The following ANXA8 variants were observed in gnomAD, a reference collection of about 807,000 sequenced individuals.
ANXA8 encodes annexin A8.
In ANXA8, 9 loss-of-function variants were observed where a neutral mutation model predicts 26.8. The ratio of observed to expected loss-of-function variants is 0.34; its 90% CI spans 0.20 to 0.59. The LOEUF is 0.59. Ranked by LOEUF, ANXA8 falls within the 20% of genes least tolerant of loss-of-function variation. The probability of loss-of-function intolerance (pLI) is 0.84; values close to 1 mark genes in which losing one functional copy is unlikely to be tolerated. For missense variants in ANXA8, 83 were observed against 238.5 expected (o/e 0.35, Z 4.29); for synonymous variants, 39 against 94.8 (o/e 0.41, Z 3.42).
chr10:47,555,622 G>A, the ANXA8 span, among the ~76,000 whole-genome samples: 820 of 152,022 alleles, frequency 5.4e-3, 12 homozygotes, highest in African/African-American at 0.019. Context: ...CTGCCTCCAT[G>A]ACATATCCAT....
chr10:47,748,401 C>T, the ANXA8 span, among the ~76,000 whole-genome samples: 23 of 150,982 alleles, frequency 1.5e-4, no homozygotes, highest in South Asian at 2.1e-4. Context: ...TTAGTGGAGA[C>T]GGGGTTTCAC....
chr10:47,901,126 A>G, the ANXA8 span, among the ~76,000 whole-genome samples: 22 of 143,034 alleles, frequency 1.5e-4, no homozygotes, highest in Non-Finnish European at 2.9e-4. Flanking sequence ...CACCCCAGCC[A>G]AGCAAAAAAT....
chr10:47,973,204 C>T, the ANXA8 span: 3 of 150,202 alleles, frequency 2.0e-5, 1 homozygote, highest in Non-Finnish European at 3.0e-5. Flanking sequence ...TTTTCTTATG[C>T]TTTAGCAGGA....
At chr10:47,968,702 A>G in the ANXA8 span, among the ~76,000 whole-genome samples, 1 of 150,978 alleles carries the variant, frequency 6.6e-6, no homozygotes, top group African/African-American at 2.4e-5. Flanking sequence ...ACAGTATGGT[A>G]TTTCTGAATG....
the ANXA8 span, among the ~76,000 whole-genome samples, chr10:47,743,660 T>A: frequency 4.4e-4 from 64 of 147,016 alleles, no homozygotes; most frequent in Middle Eastern, 3.6e-3. Flanking sequence ...GCAGGGAGGA[T>A]GCTGAACAGT....
the ANXA8 span, chr10:47,564,513 G>A: frequency 1.2e-6 from 1 of 801,700 alleles, no homozygotes; most frequent in Non-Finnish European, 2.0e-6. Flanking sequence ...ACAGGACGTG[G>A]TGGTCTATGA....
At chr10:47,945,112 A>C in the ANXA8 span, among the ~76,000 whole-genome samples, 1 of 150,282 alleles carries the variant, frequency 6.7e-6, no homozygotes, top group Non-Finnish European at 1.5e-5. Flanking sequence ...AGACTGGCTC[A>C]GGCCCTGAGT....
chr10:47,959,960 A>C, the ANXA8 span, among the ~76,000 whole-genome samples: 1 of 150,720 alleles, frequency 6.6e-6, no homozygotes, highest in Non-Finnish European at 1.5e-5. Context: ...TGCAGACCAC[A>C]GCCCTCACTC....
the ANXA8 span, among the ~76,000 whole-genome samples, chr10:47,686,411 C>T: frequency 6.6e-6 from 1 of 151,444 alleles, no homozygotes; most frequent in African/African-American, 2.4e-5. Context: ...GGGATTTTAC[C>T]ATGTTGCCTA....
chr10:47,660,115 C>G, the ANXA8 span, among the ~76,000 whole-genome samples: 1 of 146,676 alleles, frequency 6.8e-6, no homozygotes, highest in Non-Finnish European at 1.5e-5. Context: ...TAACCTATCC[C>G]TAAAGTATTA....
the ANXA8 span, among the ~76,000 whole-genome samples, chr10:47,769,874 A>C: frequency 1.3e-5 from 2 of 151,294 alleles, no homozygotes; most frequent in South Asian, 4.1e-4. Context: ...GTAATTTATA[A>C]AGAAAAGAGG....
chr10:47,564,012 G>C, the ANXA8 span, among the ~76,000 whole-genome samples: 1 of 138,572 alleles, frequency 7.2e-6, no homozygotes, highest in Non-Finnish European at 1.5e-5. Context: ...GAAGAGCACT[G>C]ATTAAATATA....
At chr10:47,622,832 G>C in the ANXA8 span, among the ~76,000 whole-genome samples, 1 of 111,904 alleles carries the variant, frequency 8.9e-6, no homozygotes, top group Non-Finnish European at 1.9e-5. Flanking sequence ...ACAAAATTAC[G>C]GTAGATTTCT....
chr10:47,650,170 T>C, the ANXA8 span, among the ~76,000 whole-genome samples: 1 of 144,808 alleles, frequency 6.9e-6, no homozygotes, highest in Non-Finnish European at 1.5e-5. Flanking sequence ...ACCATGCCAC[T>C]GCACCCCAGC....
At chr10:47,930,072 G>A in the ANXA8 span, among the ~76,000 whole-genome samples, 1 of 152,160 alleles carries the variant, frequency 6.6e-6, no homozygotes. Flanking sequence ...TTGCTTCTCT[G>A]CTATCTTTTG....
At chr10:47,622,831 C>T in the ANXA8 span, among the ~76,000 whole-genome samples, 29 of 112,198 alleles carry the variant, frequency 2.6e-4, 7 homozygotes, top group East Asian at 2.2e-3. Flanking sequence ...GACAAAATTA[C>T]GGTAGATTTC....
At chr10:47,739,856 C>A in the ANXA8 span, among the ~76,000 whole-genome samples, 1 of 148,120 alleles carries the variant, frequency 6.8e-6, no homozygotes, top group African/African-American at 2.5e-5. Context: ...ACCTTGGGAG[C>A]CTGAGATGGG....
chr10:47,701,518 T>A, the ANXA8 span, among the ~76,000 whole-genome samples: 2 of 151,826 alleles, frequency 1.3e-5, no homozygotes, highest in Admixed American at 1.3e-4. Context: ...ACTATGCAGC[T>A]GTACAAAAAG....
At chr10:47,576,783 G>A in the ANXA8 span, among the ~76,000 whole-genome samples, 3 of 150,598 alleles carry the variant, frequency 2.0e-5, no homozygotes, top group South Asian at 6.3e-4. Flanking sequence ...GCCTCCCAAA[G>A]TGCAGGATTA....
Sources: gnomAD v4.1 joint callset for allele counts (sites outside exome capture counted in the v4.1 genomes callset) on GRCh38, gnomAD v4.1.1 for gene constraint, MANE v1.5 for transcripts, NCBI Gene and HGNC (gene_info 2026-07-23, HGNC 2026-07-21) for gene names.